USP31: variants seen among roughly 807,000 people sequenced by gnomAD.
The protein encoded by USP31 is ubiquitin specific peptidase 31, also known as ubiquitin carboxyl-terminal hydrolase 31.
USP31 carries 44 observed loss-of-function variants against 119.4 expected under a neutral mutation model. The ratio of observed to expected loss-of-function variants is 0.37; its 90% confidence interval spans 0.29 to 0.47. USP31 has a LOEUF of 0.47. Ranked by LOEUF, USP31 falls within the 20% of genes least tolerant of loss-of-function variation. The pLI is 0.99. For synonymous variants in USP31, 749 were observed against 705.6 expected (o/e 1.06, Z -0.97); for missense variants, 1,643 against 1,730.2 (o/e 0.95, Z 0.89).
At chr16:23,129,806 G>A (rs1902972141) in intron 1 of USP31, among the ~76,000 whole-genome samples, 1 of 152,136 alleles carries the variant, frequency 6.6e-6, no homozygotes, top group East Asian at 1.9e-4. Flanking sequence ...CCAACTACAG[G>A]GGTTAGGGGA....
chr16:23,069,637 A>G (rs1382849173), intron 15 of USP31, 21 bp from the exon 16 acceptor site: 4 of 1,574,564 alleles, frequency 2.5e-6, no homozygotes, highest in Non-Finnish European at 3.5e-6. Flanking sequence ...TAAAGAGAAT[A>G]CTGTTAAGTT....
Position 23,090,652 on chromosome 16 carries a change from G to C in USP31, c.1387C>G (p.Arg463Gly). ...TTCCCTTGTTGCCCAGTGCAGGCTC[G>C]GTTACACACCAACAGGACAATCTTG... is the stretch of plus-strand genomic sequence containing the variant. ...SDKIVLLVCN[R>G]ACTGQQGKRF... Residue 463 changes from arginine (R) to glycine (G), a missense_variant, in exon 7 of 16, where the codon CGA becomes GGA. Coordinates refer to ENST00000219689, the MANE Select transcript of USP31 (RefSeq NM_020718.4). 6.2e-7 allele frequency: 1 copy of C among 1,613,326 alleles called. No homozygotes were observed. The highest frequency in any genetic ancestry group is 8.5e-7 in the Non-Finnish European group (1 of 1,179,438).
chr16:23,100,201 C>A (rs1198262553), intron 6 of USP31, among the ~76,000 whole-genome samples: 1 of 152,082 alleles, frequency 6.6e-6, no homozygotes, highest in Non-Finnish European at 1.5e-5. Flanking sequence ...AAACATAAGT[C>A]CACACAAAAA....
chr16:23,108,281 GGT>G, intron 1 of USP31, 98 bp from the exon 2 acceptor site: 1 of 1,471,898 alleles, frequency 6.8e-7, no homozygotes, highest in Non-Finnish European at 9.0e-7. Context: ...AGATCTCAAG[GGT>G]GTTAGAGAAT....
chr16:23,136,505 T>A (rs1340812661), intron 1 of USP31, among the ~76,000 whole-genome samples: 1 of 151,850 alleles, frequency 6.6e-6, no homozygotes, highest in Non-Finnish European at 1.5e-5. Context: ...ATACAAAAAA[T>A]TAGTTGGGCG....
chr16:23,134,609 C>T (rs998676968), intron 1 of USP31, among the ~76,000 whole-genome samples: 24 of 147,644 alleles, frequency 1.6e-4, no homozygotes, highest in Non-Finnish European at 1.0e-4. Flanking sequence ...TCACTGTACA[C>T]ATTCACCAAA....
In USP31 at chr16:23,068,293, GCCT is replaced by G; in HGVS notation, c.3809_3811del (p.Glu1270del). On this transcript the variant is annotated inframe_deletion, in exon 16 of 16. Transcript: ENST00000219689. Reference sequence around the variant, plus strand: ...AGCTGGAGGCTGGTGGCCTCTCTCTGCCTCGTCGTCCCCGGTGTTCTTACAGAC... The same window carrying G: ...AGCTGGAGGCTGGTGGCCTCTCTCTGCGTCGTCCCCGGTGTTCTTACAGAC... 6.2e-7 allele frequency: 1 copy of G among 1,613,974 alleles called. No homozygotes were observed. Among genetic ancestry groups the G allele is most frequent in the South Asian group, 1.1e-5 (1 of 91,066 alleles).
chr16:23,079,922 C>T lies in USP31; in HGVS notation c.2176+24G>A, dbSNP rs1261468519. ...CGTCTGAAGGACTCGCCAGCACAGACACGCAGCCTCTCACACTGCAGACCT... is the reference window on the plus strand; with the variant it reads ...CGTCTGAAGGACTCGCCAGCACAGATACGCAGCCTCTCACACTGCAGACCT... On this transcript the variant is annotated intron_variant, in intron 13 of 15. Coordinates refer to ENST00000219689, the MANE Select transcript of USP31 (RefSeq NM_020718.4). 2.6e-6 allele frequency: 4 copies of T among 1,567,426 alleles called. No individual in the cohort carries two copies. In the South Asian group the frequency reaches 4.8e-5, roughly 19 times the overall value.
In USP31 at chr16:23,090,638, C is replaced by G; in HGVS notation, c.1401G>C (p.Gly467=). Residue 467 remains glycine, a synonymous_variant, in exon 7 of 16, where the codon GGG becomes GGC. Transcript: ENST00000219689. ...VLLVCNRACT[G]QQGKRFGLPF... Reference sequence around the variant, plus strand: ...CTGGTTCTCACCTTTTCCCTTGTTGCCCAGTGCAGGCTCGGTTACACACCA... The same window carrying G: ...CTGGTTCTCACCTTTTCCCTTGTTGGCCAGTGCAGGCTCGGTTACACACCA... 6.2e-7 allele frequency: 1 copy of G among 1,608,316 alleles called. No homozygotes were observed. The highest frequency in any genetic ancestry group is 8.5e-7 in the Non-Finnish European group (1 of 1,175,494).
intron 5 of USP31, among the ~76,000 whole-genome samples, chr16:23,103,960 AAAAC>A (rs1331034176): frequency 6.6e-6 from 1 of 152,162 alleles, no homozygotes; most frequent in East Asian, 1.9e-4. Context: ...ACAAAACAGA[AAAAC>A]AAAAGATGGA....
rs1159913078 is a variant in USP31 at position 23,062,385 on chromosome 16, A to ATTT, written c.*5660_*5661insAAA. The stretch of plus-strand genomic sequence containing the variant: ...GCAATAAGGGTTTTTTTTTTTTAAA[A>ATTT]AAAAGACACCAAAGAAAATGTTTCA... On this transcript the variant is annotated 3_prime_UTR_variant, in exon 16 of 16. Coordinates refer to ENST00000219689, the MANE Select transcript of USP31 (RefSeq NM_020718.4). 2.8e-5 allele frequency: 4 copies of ATTT among 142,852 alleles called. No individual in the cohort carries two copies. In the South Asian group the frequency reaches 8.8e-4, roughly 32 times the overall value. The allele number at this position is 142,852 out of a possible 1,614,324, so 8.8% of individuals were successfully genotyped here. A position where few individuals can be genotyped will look rare whatever the true frequency, so the allele number is the denominator to read the frequency against.
In USP31 at chr16:23,067,884, A is replaced by T; in HGVS notation, c.*162T>A. On this transcript the variant is annotated 3_prime_UTR_variant, in exon 16 of 16. Coordinates refer to ENST00000219689, the MANE Select transcript of USP31 (RefSeq NM_020718.4). ...TAAGGCGACGCTTTGAACAATTTGC[A>T]ATTGAATTAGACACACACACGCATA... 1.1e-6 allele frequency: 1 copy of T among 903,168 alleles called. No homozygotes were observed. Among genetic ancestry groups the T allele is most frequent in the Non-Finnish European group, 1.6e-6 (1 of 629,458 alleles). 55.9% of individuals were successfully genotyped at this position (903,168 alleles called of 1,614,324 possible). A position where few individuals can be genotyped will look rare whatever the true frequency, so the allele number is the denominator to read the frequency against.
In USP31 at chr16:23,069,253, T is replaced by C; in HGVS notation, c.2852A>G (p.Asp951Gly). The change falls in exon 16 of 16, where the codon GAC (aspartate) becomes GGC (glycine). Residue 951 changes from aspartate (D) to glycine (G), a missense_variant. Physicochemically the swap from Asp to Gly is moderately conservative, Grantham distance 94. Transcript: ENST00000219689. ...PLAVMEGVFK[D>G]ESDTRRLNSS... ...GTTCAATCTGCGGGTGTCCGATTCG[T>C]CTTTGAACACGCCTTCCATGACAGC... 1 of 1,614,036 alleles carries C rather than the reference T, an allele frequency of 6.2e-7. No individual in the cohort carries two copies. Among genetic ancestry groups the C allele is most frequent in the South Asian group, 1.1e-5 (1 of 91,042 alleles).
chr16:23,115,805 G>T lies in USP31; in HGVS notation c.634-7622C>A, dbSNP rs1902467936. On this transcript the variant is annotated intron_variant, in intron 1 of 15. Transcript: ENST00000219689. ...ACAAAATTTCTCCTTACCCTTCAAA[G>T]AGAGAATGTTTTTATTTTTTTCCCT... 3 of 978,246 alleles carry T rather than the reference G, an allele frequency of 3.1e-6. No individual in the cohort carries two copies. In the African/African-American group the frequency reaches 5.3e-5, roughly 17 times the overall value. The allele number at this position is 978,246 out of a possible 1,614,324, so 60.6% of individuals were successfully genotyped here.
chr16:23,068,683 G>A lies in USP31; in HGVS notation c.3422C>T (p.Pro1141Leu). 1 of 1,614,200 alleles carries A rather than the reference G, an allele frequency of 6.2e-7. No individual in the cohort carries two copies. Among genetic ancestry groups the A allele is most frequent in the Non-Finnish European group, 8.5e-7 (1 of 1,180,030 alleles). Residue 1141 changes from proline (P) to leucine (L), a missense_variant, in exon 16 of 16, where the codon CCT (proline) becomes CTT (leucine). Pro to Leu is a moderately conservative substitution (Grantham distance 98, BLOSUM62 -3). Around this residue, in one of 5 missense-constraint regions of USP31, gnomAD observed 699 missense variants for 650.9 expected, o/e 1.07. Transcript: ENST00000219689. ...AGTCCTGCTCTTCCCAGGTGGGAAA[G>A]GGCTCCTTGTGGCAGGGCCCGAGGC... Reference protein sequence around the residue: ...KKASGPATRSPFPPGKSRTSD... With the variant: ...KKASGPATRSLFPPGKSRTSD...
rs149243625 is a variant in USP31, at chr16:23,066,468, G to A, written c.*1578C>T. 4.0e-4 allele frequency: 61 copies of A among 152,504 alleles called. No homozygotes were observed. Among genetic ancestry groups the A allele is most frequent in the Non-Finnish European group, 6.6e-4 (45 of 68,030 alleles). The allele number at this position is 152,504 out of a possible 1,614,324, so 9.4% of individuals were successfully genotyped here. A position where few individuals can be genotyped will look rare whatever the true frequency, so the allele number is the denominator to read the frequency against. ...CAGCTATGCATGCATATGTGTTGTA[G>A]TTAATTCACACACAGCAATACTGAA... On this transcript the variant is annotated 3_prime_UTR_variant, in exon 16 of 16. Transcript: ENST00000219689.
At position 23,067,439 on chromosome 16, in the gene USP31, T is replaced by C. The variant is rs1227932798; in HGVS notation, c.*607A>G. ...GCACCTTCCTCTTTAATCCATTTACTGGTGTGCAACCATCCTAGACTAGCT... is the reference window on the plus strand; with the variant it reads ...GCACCTTCCTCTTTAATCCATTTACCGGTGTGCAACCATCCTAGACTAGCT... On this transcript the variant is annotated 3_prime_UTR_variant, in exon 16 of 16. Transcript: ENST00000219689. 1.3e-5 allele frequency: 2 copies of C among 152,686 alleles called. No homozygotes were observed. The highest frequency in any genetic ancestry group is 2.9e-5 in the Non-Finnish European group (2 of 68,054). The allele number at this position is 152,686 out of a possible 1,614,324, so 9.5% of individuals were successfully genotyped here.
rs1169473877 is a variant in USP31 at position 23,149,354 on chromosome 16, G to A, written c.-84C>T. Reference sequence around the variant, plus strand: ...GGCCGCCGCCGCATCCCGCAGCGCCGCGCCTCACCGGGCCCGGGGGCTCGA... The same window carrying A: ...GGCCGCCGCCGCATCCCGCAGCGCCACGCCTCACCGGGCCCGGGGGCTCGA... On this transcript the variant is annotated 5_prime_UTR_variant, in exon 1 of 16. Coordinates refer to ENST00000219689, the MANE Select transcript of USP31 (RefSeq NM_020718.4). 18 of 994,364 alleles carry A rather than the reference G, an allele frequency of 1.8e-5. No individual in the cohort carries two copies. Among genetic ancestry groups the A allele is most frequent in the Non-Finnish European group, 2.1e-5 (18 of 837,642 alleles). 61.6% of individuals were successfully genotyped at this position (994,364 alleles called of 1,614,324 possible).
rs1457203319 is a variant in USP31, at chr16:23,148,619, C to T, written c.633+19G>A. 2 of 1,450,734 alleles carry T rather than the reference C, an allele frequency of 1.4e-6. No individual in the cohort carries two copies. Among genetic ancestry groups the T allele is most frequent in the Non-Finnish European group, 9.0e-7 (1 of 1,109,624 alleles). 89.9% of individuals were successfully genotyped at this position (1,450,734 alleles called of 1,614,324 possible). A position where few individuals can be genotyped will look rare whatever the true frequency, so the allele number is the denominator to read the frequency against. ...AGGGGCTCGGGGTGCAGTGGGGGCG[C>T]GGCGGCGCGCGGGCTCACCTTGAAG... is the stretch of plus-strand genomic sequence containing the variant. On this transcript the variant is annotated intron_variant, in intron 1 of 15. Coordinates refer to ENST00000219689, the MANE Select transcript of USP31 (RefSeq NM_020718.4).
Sources: gnomAD v4.1 joint callset for allele counts (sites outside exome capture counted in the v4.1 genomes callset) on GRCh38, gnomAD v4.1.1 for gene constraint, gnomAD v4.1.1 regional missense constraint, MANE v1.5 for transcripts, NCBI Gene and HGNC (gene_info 2026-07-23, HGNC 2026-07-21) for gene names.